OR6V1: variants seen among roughly 807,000 people sequenced by gnomAD.
OR6V1 encodes the protein olfactory receptor 6V1.
Under a neutral mutation model 13.2 loss-of-function variants are expected in OR6V1, and 10 were observed. The ratio of observed to expected loss-of-function variants is 0.76; its 90% CI spans 0.47 to 1.28. The LOEUF (loss-of-function observed/expected upper bound fraction) is 1.28, where lower values mean the gene tolerates loss of function less well. Ranked by LOEUF, OR6V1 falls within the 50% of genes most tolerant of loss-of-function variation. The pLI is 0.00. For missense variants in OR6V1, 350 were observed against 380.4 expected, an observed-to-expected ratio of 0.92 and a Z score of 0.67; for synonymous variants, 137 against 154.2, an observed-to-expected ratio of 0.89 and a Z score of 0.83.
In OR6V1 at chr7:143,053,009, G is replaced by A; in HGVS notation, c.669G>A (p.Val223=). ...CCTATGGCTACATAGTGACCACTGTGCTGCGGATCCCCTCTGCCAGCAGCT... is the reference window on the plus strand; with the variant it reads ...CCTATGGCTACATAGTGACCACTGTACTGCGGATCCCCTCTGCCAGCAGCT... The part of the protein sequence containing the change: ...LISYGYIVTT[V]LRIPSASSCQ... The change falls in exon 1 of 1, where the codon GTG becomes GTA. Residue 223 remains valine (V), a synonymous_variant. Coordinates refer to ENST00000418316, the MANE Select transcript of OR6V1 (RefSeq NM_001001667.1). 1 of 1,613,996 alleles carries A rather than the reference G, an allele frequency of 6.2e-7. No individual in the cohort carries two copies.
chr7:143,052,497 C>T lies in OR6V1; in HGVS notation c.157C>T (p.Leu53=). ...IIVMVIADTH[L]HTPMYFFLGN... ...AGTTATGGTCATAGCTGACACCCAC[C>T]TACATACACCCATGTACTTCTTCCT... The change falls in exon 1 of 1, where the codon CTA becomes TTA. Residue 53 remains leucine, a synonymous_variant. Transcript: ENST00000418316. The T allele has an allele frequency of 6.2e-7, 1 of 1,614,000 alleles. No individual in the cohort carries two copies. The highest frequency in any genetic ancestry group is 8.5e-7 in the Non-Finnish European group (1 of 1,179,878).
chr7:143,052,925 C>T lies in OR6V1; in HGVS notation c.585C>T (p.Phe195=). The T allele has an allele frequency of 1.9e-6, 3 of 1,614,012 alleles. No homozygotes were observed. The highest frequency in any genetic ancestry group is 2.5e-6 in the Non-Finnish European group (3 of 1,179,864). The change falls in exon 1 of 1, where the codon TTC becomes TTT. Residue 195 remains phenylalanine, a synonymous_variant. Coordinates refer to ENST00000418316, the MANE Select transcript of OR6V1 (RefSeq NM_001001667.1). ...LSCSDTRLLE[F]WDFLMALTFV... ...GCTCTGACACTCGCCTGTTGGAATT[C>T]TGGGACTTTCTGATGGCCTTGACCT... is the stretch of plus-strand genomic sequence containing the variant.
rs373694316 is a variant in OR6V1 at position 143,052,557 on chromosome 7, A to G, written c.217A>G (p.Met73Val). 38 of 1,613,916 alleles carry G rather than the reference A, an allele frequency of 2.4e-5. No individual in the cohort carries two copies. The highest frequency in any genetic ancestry group is 3.0e-5 in the Non-Finnish European group (35 of 1,179,890). ...NFSLLEILVT[M>V]TAVPRMLSDL... ...TTCCCTGCTGGAGATCTTGGTAACC[A>G]TGACTGCAGTGCCCAGGATGCTCTC... The change falls in exon 1 of 1, where the codon ATG (methionine) becomes GTG (valine). Residue 73 changes from methionine to valine, a missense_variant. Coordinates refer to ENST00000418316, the MANE Select transcript of OR6V1 (RefSeq NM_001001667.1).
Position 143,052,702 on chromosome 7 carries a change from T to A in OR6V1, c.362T>A (p.Phe121Tyr). The A allele has an allele frequency of 1.2e-6, 2 of 1,614,068 alleles. No individual in the cohort carries two copies. The highest frequency in any genetic ancestry group is 1.7e-6 in the Non-Finnish European group (2 of 1,179,892). The change falls in exon 1 of 1, where the codon TTT becomes TAT. Residue 121 changes from phenylalanine (F) to tyrosine (Y), a missense_variant. Coordinates refer to ENST00000418316, the MANE Select transcript of OR6V1 (RefSeq NM_001001667.1). ...LILTDMALDR[F>Y]VAICHPLRYG... is the part of the protein sequence containing the mutation. Reference sequence around the variant, plus strand: ...CTGACAGACATGGCCCTTGATCGCTTTGTGGCCATCTGCCACCCACTGCGC... The same window carrying A: ...CTGACAGACATGGCCCTTGATCGCTATGTGGCCATCTGCCACCCACTGCGC...
Position 143,052,504 on chromosome 7 carries a change from C to T in OR6V1, c.164C>T (p.Thr55Ile), listed in dbSNP as rs1248980698. 3.1e-6 allele frequency: 5 copies of T among 1,613,924 alleles called. No individual in the cohort carries two copies. Among genetic ancestry groups the T allele is most frequent in the African/African-American group, 1.3e-5 (1 of 74,942 alleles). ...VMVIADTHLH[T>I]PMYFFLGNFS... ...GTCATAGCTGACACCCACCTACATA[C>T]ACCCATGTACTTCTTCCTGGGCAAT... The change falls in exon 1 of 1, where the codon ACA becomes ATA. Residue 55 changes from threonine to isoleucine, a missense_variant. Coordinates refer to ENST00000418316, the MANE Select transcript of OR6V1 (RefSeq NM_001001667.1).
Position 143,052,852 on chromosome 7 carries a change from T to A in OR6V1, c.512T>A (p.Val171Asp). ...CATCTTGATTACTGCCATGGCGACG[T>A]CATCAACCACTTCTTCTGTGACAAT... ...RAHLDYCHGD[V>D]INHFFCDNEP... The change falls in exon 1 of 1, where the codon GTC becomes GAC. Residue 171 changes from valine (V) to aspartate (D), a missense_variant. Val to Asp is a radical substitution (Grantham distance 152). Transcript: ENST00000418316. 2.5e-6 allele frequency: 4 copies of A among 1,614,054 alleles called. No individual in the cohort carries two copies. Among genetic ancestry groups the A allele is most frequent in the Non-Finnish European group, 3.4e-6 (4 of 1,179,894 alleles).
In OR6V1 at chr7:143,053,066, C is replaced by A; in HGVS notation, c.726C>A (p.His242Gln). ...AGGCTTTCTCCACTTGCGGGTCTCA[C>A]CTCACACTGGTCTTCATCGGCTACA... Reference protein sequence around the residue: ...CQKAFSTCGSHLTLVFIGYSS... With the variant: ...CQKAFSTCGSQLTLVFIGYSS... Residue 242 changes from histidine to glutamine, a missense_variant, in exon 1 of 1, where the codon CAC becomes CAA. His to Gln is a conservative substitution (Grantham distance 24). Coordinates refer to ENST00000418316, the MANE Select transcript of OR6V1 (RefSeq NM_001001667.1). 1.2e-6 allele frequency: 2 copies of A among 1,614,006 alleles called. No homozygotes were observed. The highest frequency in any genetic ancestry group is 1.7e-6 in the Non-Finnish European group (2 of 1,179,898).
At position 143,052,774 on chromosome 7, in the gene OR6V1, C is replaced by T. The variant is rs1470784999; in HGVS notation, c.434C>T (p.Ala145Val). Residue 145 changes from alanine (A) to valine (V), a missense_variant, in exon 1 of 1, where the codon GCT becomes GTT. By Grantham distance (64) the Ala-to-Val change is moderately conservative. Transcript: ENST00000418316. ...SRAMCVQLAG[A>V]AWAAPFLAMV... ...GCTATGTGTGTCCAGCTGGCTGGGG[C>T]TGCCTGGGCAGCTCCTTTCCTAGCC... 6.2e-7 allele frequency: 1 copy of T among 1,614,022 alleles called. No individual in the cohort carries two copies. The highest frequency in any genetic ancestry group is 8.5e-7 in the Non-Finnish European group (1 of 1,179,882).
At position 143,053,164 on chromosome 7, in the gene OR6V1, T is replaced by C; in HGVS notation, c.824T>C (p.Val275Ala). The C allele has an allele frequency of 6.2e-7, 1 of 1,613,998 alleles. No homozygotes were observed. Among genetic ancestry groups the C allele is most frequent in the Non-Finnish European group, 8.5e-7 (1 of 1,179,874 alleles). ...SVQVRKVVAL[V>A]TSVLTPFLNP... ...CAAGTCAGGAAGGTCGTGGCCTTGG[T>C]GACTTCAGTTCTCACCCCCTTTCTC... Residue 275 changes from valine to alanine, a missense_variant, in exon 1 of 1, where the codon GTG becomes GCG. Coordinates refer to ENST00000418316, the MANE Select transcript of OR6V1 (RefSeq NM_001001667.1).
In OR6V1 at chr7:143,052,545, A is replaced by G. The variant is rs868144794; in HGVS notation, c.205A>G (p.Ile69Val). 2.5e-6 allele frequency: 4 copies of G among 1,613,806 alleles called. No individual in the cohort carries two copies. In the African/African-American group the frequency reaches 4.0e-5, roughly 16 times the overall value. Residue 69 changes from isoleucine (I) to valine (V), a missense_variant, in exon 1 of 1, where the codon ATC becomes GTC. By Grantham distance (29) the Ile-to-Val change is conservative. Transcript: ENST00000418316. ...CCTGGGCAATTTTTCCCTGCTGGAG[A>G]TCTTGGTAACCATGACTGCAGTGCC... ...FFLGNFSLLE[I>V]LVTMTAVPRM...
Position 143,052,421 on chromosome 7 carries a change from C to A in OR6V1, c.81C>A (p.Gly27=), listed in dbSNP as rs766411216. Residue 27 remains glycine, a synonymous_variant, in exon 1 of 1, where the codon GGC becomes GGA. Transcript: ENST00000418316. ...GTGAGCTGCAGGCCCTTCTGTATGG[C>A]CCCTTCCTCATGCTTTATCTTCTCG... ...SFGELQALLY[G]PFLMLYLLAF... 8 of 1,613,776 alleles carry A rather than the reference C, an allele frequency of 5.0e-6. No homozygotes were observed. The African/African-American group carries it at 8.0e-5, about 16-fold the overall frequency.
chr7:143,053,265 C>T lies in OR6V1; in HGVS notation c.925C>T (p.Leu309Phe). Residue 309 changes from leucine (L) to phenylalanine (F), a missense_variant, in exon 1 of 1, where the codon CTT (leucine) becomes TTT (phenylalanine). By Grantham distance (22) the Leu-to-Phe change is conservative (BLOSUM62 0). Coordinates refer to ENST00000418316, the MANE Select transcript of OR6V1 (RefSeq NM_001001667.1). ...GGGGCAGATGCAGAGGCTGAAAGGC[C>T]TTTGCAAGGCACAATGATGAGCCCA... ...LQGQMQRLKG[L>F]CKAQ is the part of the protein sequence containing the mutation. 1 of 1,602,474 alleles carries T rather than the reference C, an allele frequency of 6.2e-7. No homozygotes were observed. Among genetic ancestry groups the T allele is most frequent in the Non-Finnish European group, 8.5e-7 (1 of 1,178,760 alleles).
Position 143,052,689 on chromosome 7 carries a change from G to C in OR6V1, c.349G>C (p.Ala117Pro), listed in dbSNP as rs1190871485. 1 of 1,613,822 alleles carries C rather than the reference G, an allele frequency of 6.2e-7. No individual in the cohort carries two copies. Among genetic ancestry groups the C allele is most frequent in the Non-Finnish European group, 8.5e-7 (1 of 1,179,888 alleles). The change falls in exon 1 of 1, where the codon GCC (alanine) becomes CCC (proline). Residue 117 changes from alanine to proline, a missense_variant. Coordinates refer to ENST00000418316, the MANE Select transcript of OR6V1 (RefSeq NM_001001667.1). ...CTCCTTCCTCATCCTGACAGACATG[G>C]CCCTTGATCGCTTTGTGGCCATCTG... Reference protein sequence around the residue: ...STSFLILTDMALDRFVAICHP... With the variant: ...STSFLILTDMPLDRFVAICHP...
rs768089980 is a variant in OR6V1, at chr7:143,052,509, A to C, written c.169A>C (p.Met57Leu). 3 of 1,613,806 alleles carry C rather than the reference A, an allele frequency of 1.9e-6. No individual in the cohort carries two copies. The East Asian group carries it at 6.7e-5, about 36-fold the overall frequency. ...AGCTGACACCCACCTACATACACCCATGTACTTCTTCCTGGGCAATTTTTC... is the reference window on the plus strand; with the variant it reads ...AGCTGACACCCACCTACATACACCCCTGTACTTCTTCCTGGGCAATTTTTC... ...VIADTHLHTP[M>L]YFFLGNFSLL... The change falls in exon 1 of 1, where the codon ATG becomes CTG. Residue 57 changes from methionine (M) to leucine (L), a missense_variant. By Grantham distance (15) the Met-to-Leu change is conservative. Transcript: ENST00000418316.
At position 143,052,626 on chromosome 7, in the gene OR6V1, A is replaced by G. The variant is rs60614398; in HGVS notation, c.286A>G (p.Met96Val). Residue 96 changes from methionine (M) to valine (V), a missense_variant, in exon 1 of 1, where the codon ATG becomes GTG. Transcript: ENST00000418316. The part of the protein sequence containing the change: ...PHKVITFTGC[M>V]VQFYFHFSLG... Reference sequence around the variant, plus strand: ...CAAAGTCATTACCTTCACTGGCTGCATGGTCCAGTTCTACTTCCACTTTTC... The same window carrying G: ...CAAAGTCATTACCTTCACTGGCTGCGTGGTCCAGTTCTACTTCCACTTTTC... 1.5e-4 allele frequency: 250 copies of G among 1,613,962 alleles called. 3 individuals are homozygous for G. The East Asian group carries it at 5.5e-3, about 35-fold the overall frequency.
In OR6V1 at chr7:143,052,930, A is replaced by G; in HGVS notation, c.590A>G (p.Asp197Gly). 1 of 1,613,940 alleles carries G rather than the reference A, an allele frequency of 6.2e-7. No individual in the cohort carries two copies. Among genetic ancestry groups the G allele is most frequent in the Non-Finnish European group, 8.5e-7 (1 of 1,179,860 alleles). The change falls in exon 1 of 1, where the codon GAC becomes GGC. Residue 197 changes from aspartate (D) to glycine (G), a missense_variant. Asp to Gly is a moderately conservative substitution (Grantham distance 94, BLOSUM62 -1). Coordinates refer to ENST00000418316, the MANE Select transcript of OR6V1 (RefSeq NM_001001667.1). ...CSDTRLLEFW[D>G]FLMALTFVLS... The stretch of plus-strand genomic sequence containing the variant: ...GACACTCGCCTGTTGGAATTCTGGG[A>G]CTTTCTGATGGCCTTGACCTTTGTC...
At position 143,053,030 on chromosome 7, in the gene OR6V1, C is replaced by G. The variant is rs370335303; in HGVS notation, c.690C>G (p.Ser230Arg). Residue 230 changes from serine to arginine, a missense_variant, in exon 1 of 1, where the codon AGC becomes AGG. Ser to Arg is a moderately radical substitution (Grantham distance 110). Coordinates refer to ENST00000418316, the MANE Select transcript of OR6V1 (RefSeq NM_001001667.1). ...VTTVLRIPSA[S>R]SCQKAFSTCG... The stretch of plus-strand genomic sequence containing the variant: ...CTGTGCTGCGGATCCCCTCTGCCAG[C>G]AGCTGCCAGAAGGCTTTCTCCACTT... 6.2e-7 allele frequency: 1 copy of G among 1,613,932 alleles called. No individual in the cohort carries two copies. Among genetic ancestry groups the G allele is most frequent in the Non-Finnish European group, 8.5e-7 (1 of 1,179,900 alleles).
Position 143,053,269 on chromosome 7 carries a change from G to T in OR6V1, c.929G>T (p.Cys310Phe). The change falls in exon 1 of 1, where the codon TGC (cysteine) becomes TTC (phenylalanine). Residue 310 changes from cysteine (C) to phenylalanine (F), a missense_variant. Coordinates refer to ENST00000418316, the MANE Select transcript of OR6V1 (RefSeq NM_001001667.1). Reference sequence around the variant, plus strand: ...CAGATGCAGAGGCTGAAAGGCCTTTGCAAGGCACAATGATGAGCCCAGGGC... The same window carrying T: ...CAGATGCAGAGGCTGAAAGGCCTTTTCAAGGCACAATGATGAGCCCAGGGC... ...QGQMQRLKGL[C>F]KAQ 6.2e-7 allele frequency: 1 copy of T among 1,601,698 alleles called. No individual in the cohort carries two copies. Among genetic ancestry groups the T allele is most frequent in the Non-Finnish European group, 8.5e-7 (1 of 1,178,624 alleles).
rs1414429201 is a variant in OR6V1, at chr7:143,052,783, C to A, written c.443C>A (p.Ala148Glu). Residue 148 changes from alanine (A) to glutamate (E), a missense_variant, in exon 1 of 1, where the codon GCA becomes GAA. By Grantham distance (107) the Ala-to-Glu change is moderately radical. Coordinates refer to ENST00000418316, the MANE Select transcript of OR6V1 (RefSeq NM_001001667.1). ...GTCCAGCTGGCTGGGGCTGCCTGGG[C>A]AGCTCCTTTCCTAGCCATGGTACCC... Reference protein sequence around the residue: ...MCVQLAGAAWAAPFLAMVPTV... With the variant: ...MCVQLAGAAWEAPFLAMVPTV... 8 of 1,613,936 alleles carry A rather than the reference C, an allele frequency of 5.0e-6. No homozygotes were observed. Among genetic ancestry groups the A allele is most frequent in the Admixed American group, 1.7e-5 (1 of 60,016 alleles).
Sources: gnomAD v4.1 joint callset for allele counts on GRCh38, gnomAD v4.1.1 for gene constraint, MANE v1.5 for transcripts, NCBI Gene and HGNC (gene_info 2026-07-23, HGNC 2026-07-21) for gene names.